LRRC18: variants seen among roughly 807,000 people sequenced by gnomAD.
LRRC18 encodes the protein leucine-rich repeat-containing protein 18.
LRRC18 carries 12 observed loss-of-function variants against 11.2 expected under a neutral mutation model. That is an observed-to-expected ratio of 1.07 (90% CI 0.69 to 1.74). LRRC18 has a LOEUF of 1.74. LRRC18 is among the 40% of genes most tolerant of loss of function. LRRC18 has a pLI of 0.00. For synonymous variants in LRRC18, 155 were observed against 130.6 expected (o/e 1.19, Z -1.27); for missense variants, 374 against 330.5 (o/e 1.13, Z -1.02).
At chr10:48,926,405 C>T in the LRRC18 span, among the ~76,000 whole-genome samples, 2 of 152,174 alleles carry the variant, frequency 1.3e-5, no homozygotes, top group African/African-American at 4.8e-5. Context: ...TGCAATGTCA[C>T]CCCCTAGAGA....
upstream of LRRC18, among the ~76,000 whole-genome samples, chr10:48,918,113 T>C (rs1169470256): frequency 1.3e-5 from 2 of 152,010 alleles, no homozygotes; most frequent in African/African-American, 4.8e-5. Flanking sequence ...AAAAACTAAA[T>C]ATATAAATGA....
chr10:48,936,449 C>G, the LRRC18 span, among the ~76,000 whole-genome samples: 2 of 151,866 alleles, frequency 1.3e-5, no homozygotes, highest in African/African-American at 4.8e-5. Context: ...ATATAAAAAT[C>G]ATAAAGCACA....
chr10:48,913,264 T>A, intron 1 of LRRC18, 128 bp downstream of exon 3: 3 of 861,664 alleles, frequency 3.5e-6, no homozygotes, highest in Non-Finnish European at 1.8e-6. Flanking sequence ...AGGAAAGGAG[T>A]TTTATGGGCT....
At chr10:48,910,144 T>C in exon 2 of LRRC18, 1 of 1,203,260 alleles carries the variant, frequency 8.3e-7, no homozygotes, top group South Asian at 1.2e-5. Context: ...ACATCTCACT[T>C]GCCACTCTGT....
the LRRC18 span, among the ~76,000 whole-genome samples, chr10:48,934,013 C>A: frequency 2.0e-5 from 3 of 152,162 alleles, no homozygotes; most frequent in Non-Finnish European, 4.4e-5. Flanking sequence ...GGGTGGACAG[C>A]AGCTGTCTCA....
chr10:48,919,527 C>T, the LRRC18 span, among the ~76,000 whole-genome samples: 2 of 152,204 alleles, frequency 1.3e-5, no homozygotes, highest in Non-Finnish European at 2.9e-5. Context: ...TTGTAAGCAA[C>T]ATAAATTTAT....
the LRRC18 span, among the ~76,000 whole-genome samples, chr10:48,929,938 T>G: frequency 1.3e-5 from 2 of 152,022 alleles, no homozygotes; most frequent in Admixed American, 6.5e-5. Context: ...TTCTCTGCAC[T>G]TCTCCTCCAA....
the LRRC18 span, among the ~76,000 whole-genome samples, chr10:48,922,282 T>C: frequency 1.3e-5 from 2 of 152,218 alleles, no homozygotes; most frequent in African/African-American, 2.4e-5. Flanking sequence ...TCATCCCTTT[T>C]TCCAGTGGAT....
At chr10:48,924,755 G>A in the LRRC18 span, among the ~76,000 whole-genome samples, 3 of 152,168 alleles carry the variant, frequency 2.0e-5, no homozygotes, top group Admixed American at 6.5e-5. Context: ...AAAAGTAATG[G>A]CAACCAATAT....
the LRRC18 span, among the ~76,000 whole-genome samples, chr10:48,923,506 A>ATATATGTATGTATG: frequency 4.3e-5 from 5 of 115,116 alleles, 1 homozygote; most frequent in Admixed American, 3.1e-4. Context: ...GTATATATAT[A>ATATATGTATGTATG]TATATATGTC....
In LRRC18 at chr10:48,912,921, C is replaced by T. The variant is rs1460674253; in HGVS notation, c.764+471G>A. 5.3e-5 allele frequency among the ~76,000 whole-genome samples: 8 copies of T among 152,216 alleles called. No individual in the cohort carries two copies. In the South Asian group the frequency reaches 1.7e-3, roughly 32 times the overall value. ...GTCCAGCTCTGTCCCCTACCCAACA[C>T]CAAGTGCTCATCTACTTTCTTACAA... On this transcript the variant is annotated intron_variant, in intron 1 of 1. Coordinates refer to ENST00000374160, the Ensembl canonical transcript of LRRC18.
At chr10:48,932,431 C>A in the LRRC18 span, 1 of 152,156 alleles carries the variant, frequency 6.6e-6, no homozygotes, top group Non-Finnish European at 1.5e-5. Flanking sequence ...CTAGTGATTG[C>A]AGAAAAAGAG....
chr10:48,932,444 G>A, the LRRC18 span: 1 of 152,144 alleles, frequency 6.6e-6, no homozygotes, highest in African/African-American at 2.4e-5. Flanking sequence ...AAAAAGAGAT[G>A]TAATAATAGC....
intron 1 of LRRC18, among the ~76,000 whole-genome samples, chr10:48,912,498 G>A (rs376936618): frequency 2.0e-5 from 3 of 152,154 alleles, no homozygotes; most frequent in African/African-American, 7.2e-5. Context: ...GCACATCCAC[G>A]ACTGGGATCT....
chr10:48,934,867 T>A, the LRRC18 span, among the ~76,000 whole-genome samples: 1 of 152,126 alleles, frequency 6.6e-6, no homozygotes, highest in Non-Finnish European at 1.5e-5. Flanking sequence ...GGATCCCGTG[T>A]GATCCCCAAA....
chr10:48,909,988 A>T (rs1837853820), exon 2 of LRRC18: 7 of 526,034 alleles, frequency 1.3e-5, no homozygotes, highest in Admixed American at 9.5e-5. Context: ...ATTTTCTTAA[A>T]TTTTTTTCTA....
At chr10:48,939,430 G>GC in the LRRC18 span, among the ~76,000 whole-genome samples, 1 of 152,154 alleles carries the variant, frequency 6.6e-6, no homozygotes, top group Non-Finnish European at 1.5e-5. Context: ...CTTGCTCGGG[G>GC]CCCCCCATTT....
At chr10:48,926,441 A>C in the LRRC18 span, among the ~76,000 whole-genome samples, 3 of 152,154 alleles carry the variant, frequency 2.0e-5, no homozygotes, top group Non-Finnish European at 4.4e-5. Context: ...GATGGTGTGC[A>C]CTCTGGCTGA....
At chr10:48,931,464 G>T in the LRRC18 span, among the ~76,000 whole-genome samples, 4 of 152,200 alleles carry the variant, frequency 2.6e-5, no homozygotes, top group African/African-American at 9.6e-5. Context: ...ACAGAGGGCC[G>T]TGCTATAAAC....
Sources: allele counts gnomAD v4.1 joint callset (sites outside exome capture counted in the v4.1 genomes callset), GRCh38; gene constraint gnomAD v4.1.1; transcripts MANE v1.5; gene names NCBI Gene and HGNC (gene_info 2026-07-23, HGNC 2026-07-21).